Variants in LRP1B observed in about 807,000 individuals in gnomAD.
LRP1B encodes low-density lipoprotein receptor-related protein 1B.
In LRP1B, 217 loss-of-function variants were observed where a neutral mutation model predicts 556.6. The observed-to-expected ratio is 0.39, with a 90% CI of 0.35 to 0.44. The LOEUF (loss-of-function observed/expected upper bound fraction) is 0.44, where lower values mean the gene tolerates loss of function less well. LRP1B is among the 20% of genes least tolerant of loss of function. The probability of loss-of-function intolerance (pLI) is 1.00; values close to 1 mark genes in which losing one functional copy is unlikely to be tolerated. For synonymous variants in LRP1B, 2,047 were observed against 1,865.8 expected, an observed-to-expected ratio of 1.10 and a Z score of -2.50; for missense variants, 5,053 against 5,620.8, an observed-to-expected ratio of 0.90 and a Z score of 3.23.
chr2:141,117,527 C>T (rs181035601), intron 7 of LRP1B, among the ~76,000 whole-genome samples: 1 of 151,898 alleles, frequency 6.6e-6, no homozygotes, highest in Admixed American at 6.6e-5. Flanking sequence ...CACAGATAGA[C>T]CCTATCACAA....
rs1249699979 is a variant in LRP1B at position 140,445,821 on chromosome 2, TCTA to T, written c.10058-1145_10058-1143del. Among the ~76,000 whole-genome samples, 11 of 152,250 alleles carry T rather than the reference TCTA, an allele frequency of 7.2e-5. No individual in the cohort carries two copies. The East Asian group carries it at 2.1e-3, about 29-fold the overall frequency. On this transcript the variant is annotated intron_variant, in intron 63 of 90. Coordinates refer to ENST00000389484, the MANE Select transcript of LRP1B (RefSeq NM_018557.3). The stretch of plus-strand genomic sequence containing the variant: ...TTTAAGTGTCAGACTCTGAATTAAA[TCTA>T]CTATGTTGTTTGCAATAAAACACTT...
chr2:140,470,334 T>C (rs761027214), intron 60 of LRP1B, among the ~76,000 whole-genome samples: 1 of 151,658 alleles, frequency 6.6e-6, no homozygotes, highest in Non-Finnish European at 1.5e-5. Flanking sequence ...TAAGGAAGAG[T>C]CATTTGAGAT....
chr2:142,124,951 A>C (rs377737318), intron 1 of LRP1B, among the ~76,000 whole-genome samples: 58 of 151,480 alleles, frequency 3.8e-4, no homozygotes, highest in African/African-American at 1.2e-3. Flanking sequence ...TTTAGTTACT[A>C]GTCAGTTTCA....
intron 3 of LRP1B, among the ~76,000 whole-genome samples, chr2:141,351,754 G>A (rs1688451363): frequency 6.6e-6 from 1 of 151,906 alleles, no homozygotes; most frequent in South Asian, 2.1e-4. Flanking sequence ...GATTAAAGAG[G>A]AGCATCTAAT....
intron 2 of LRP1B, among the ~76,000 whole-genome samples, chr2:141,492,143 T>C (rs1683360631): frequency 8.7e-6 from 1 of 115,056 alleles, no homozygotes; most frequent in Admixed American, 8.9e-5. Context: ...CCCAAACTAG[T>C]AAACACAATG....
chr2:141,604,309 G>T (rs549761242), intron 2 of LRP1B, among the ~76,000 whole-genome samples: 2 of 152,108 alleles, frequency 1.3e-5, no homozygotes, highest in Non-Finnish European at 2.9e-5. Flanking sequence ...ATAACAGAGC[G>T]TTCTCTAATT....
At chr2:140,274,198 T>C (rs777313786) in intron 85 of LRP1B, among the ~76,000 whole-genome samples, 21 of 151,998 alleles carry the variant, frequency 1.4e-4, no homozygotes, top group Non-Finnish European at 2.6e-4. Flanking sequence ...GACCGTCTTA[T>C]TACATAATGG....
At chr2:140,444,703 G>A (rs2105305377) in intron 63 of LRP1B, 24 bp from the exon 64 acceptor site, 2 of 1,436,972 alleles carry the variant, frequency 1.4e-6, no homozygotes, top group Middle Eastern at 1.7e-4. Flanking sequence ...CATAGATATT[G>A]TGGAATGGTA....
chr2:140,937,117 T>G (rs886671675), intron 20 of LRP1B, among the ~76,000 whole-genome samples: 2 of 151,964 alleles, frequency 1.3e-5, no homozygotes, highest in African/African-American at 4.8e-5. Flanking sequence ...CAAAAACAAA[T>G]GAGAAATAAA....
At chr2:141,487,782 T>A (rs1304786713) in intron 2 of LRP1B, among the ~76,000 whole-genome samples, 2 of 152,148 alleles carry the variant, frequency 1.3e-5, no homozygotes, top group Non-Finnish European at 2.9e-5. Flanking sequence ...AGTCTCTCCA[T>A]AAAGTTTTCT....
At chr2:140,305,998 G>T (rs1684047602) in intron 83 of LRP1B, among the ~76,000 whole-genome samples, 3 of 149,768 alleles carry the variant, frequency 2.0e-5, no homozygotes, top group African/African-American at 7.3e-5. Context: ...TCCCAGGGAT[G>T]AAGCCCACTT....
intron 35 of LRP1B, among the ~76,000 whole-genome samples, chr2:140,725,372 T>C (rs1469575013): frequency 2.0e-5 from 3 of 151,978 alleles, no homozygotes; most frequent in Non-Finnish European, 2.9e-5. Context: ...CATATTGATA[T>C]ATAAAATCAC....
At chr2:141,844,538 A>G (rs1165700122) in intron 1 of LRP1B, among the ~76,000 whole-genome samples, 1 of 152,112 alleles carries the variant, frequency 6.6e-6, no homozygotes, top group Non-Finnish European at 1.5e-5. Context: ...ATGTCAGTAT[A>G]TGGTAAATAG....
chr2:141,823,169 A>G (rs992394386), intron 1 of LRP1B, among the ~76,000 whole-genome samples: 5 of 152,106 alleles, frequency 3.3e-5, no homozygotes, highest in Non-Finnish European at 7.4e-5. Context: ...AGTGCTGAGG[A>G]ATGACAACTG....
intron 83 of LRP1B, among the ~76,000 whole-genome samples, chr2:140,314,328 G>T (rs188421373): frequency 2.9e-4 from 44 of 152,114 alleles, no homozygotes; most frequent in African/African-American, 9.9e-4. Context: ...GTCAGTAGAA[G>T]AATATGTTTC....
chr2:142,119,144 G>C (rs778806729), intron 1 of LRP1B, among the ~76,000 whole-genome samples: 1 of 152,144 alleles, frequency 6.6e-6, no homozygotes, highest in Non-Finnish European at 1.5e-5. Flanking sequence ...CCTGAGCTTT[G>C]AATCTCTTTT....
chr2:140,293,017 G>T (rs907914592), intron 84 of LRP1B, among the ~76,000 whole-genome samples: 1 of 152,132 alleles, frequency 6.6e-6, no homozygotes, highest in Non-Finnish European at 1.5e-5. Context: ...CTTAATGTCT[G>T]TACTTACTGG....
chr2:140,662,381 C>T (rs504865), intron 41 of LRP1B, among the ~76,000 whole-genome samples: 11,510 of 151,996 alleles, frequency 0.076, 673 homozygotes, highest in East Asian at 0.24. Flanking sequence ...GAATACATAG[C>T]TGGTATTAAC....
In LRP1B at chr2:140,711,504, A is replaced by G. The variant is rs148047744; in HGVS notation, c.6023+4469T>C. On this transcript the variant is annotated intron_variant, in intron 37 of 90. Transcript: ENST00000389484. ...ATTGGTAACTCAAAGTTAACCCATT[A>G]TAACTGCCAACTTTGATCTATAACC... Among the ~76,000 whole-genome samples the G allele has an allele frequency of 4.5e-3, 680 of 152,142 alleles. 1 individual carries two copies. The highest frequency in any genetic ancestry group is 0.014 in the Middle Eastern group (4 of 294).
Sources: allele counts gnomAD v4.1 joint callset (sites outside exome capture counted in the v4.1 genomes callset), GRCh38; gene constraint gnomAD v4.1.1; transcripts MANE v1.5; gene names NCBI Gene and HGNC (gene_info 2026-07-23, HGNC 2026-07-21).